MACROD2: variants seen among roughly 807,000 people sequenced by gnomAD.
The protein encoded by MACROD2 is mono-ADP ribosylhydrolase 2, also known as ADP-ribose glycohydrolase MACROD2.
In MACROD2, 36 loss-of-function variants were observed where a neutral mutation model predicts 70.4. The observed-to-expected ratio is 0.51, with a 90% CI of 0.39 to 0.68. The LOEUF is 0.68. Among genes scored for constraint, MACROD2 ranks in the 30% least tolerant of loss-of-function variants. MACROD2 has a pLI of 0.00. For missense variants in MACROD2, 496 were observed against 538.4 expected (o/e 0.92, Z 0.78); for synonymous variants, 172 against 178.8 (o/e 0.96, Z 0.30).
chr20:14,648,636 A>C (rs943131402), intron 4 of MACROD2, among the ~76,000 whole-genome samples: 4 of 151,624 alleles, frequency 2.6e-5, no homozygotes, highest in Non-Finnish European at 5.9e-5. Context: ...ATATATATAT[A>C]TCTATCTATC....
intron 3 of MACROD2, among the ~76,000 whole-genome samples, chr20:14,492,719 A>G (rs1049810239): frequency 2.0e-5 from 3 of 152,108 alleles, no homozygotes; most frequent in Non-Finnish European, 4.4e-5. Context: ...TAAGAACTCT[A>G]TGGAATAAAG....
chr20:13,999,419 G>A (rs1007359384), intron 1 of MACROD2, among the ~76,000 whole-genome samples: 10 of 152,208 alleles, frequency 6.6e-5, no homozygotes, highest in Admixed American at 2.0e-4. Context: ...ATTCATGTAA[G>A]AATAGTTAAT....
chr20:15,620,758 T>C (rs952484456), intron 8 of MACROD2, among the ~76,000 whole-genome samples: 27 of 152,280 alleles, frequency 1.8e-4, no homozygotes, highest in African/African-American at 6.3e-4. Flanking sequence ...AAAAAGCTGT[T>C]AGAGTCACCA....
chr20:14,331,443 A>C (rs903768489), intron 3 of MACROD2, among the ~76,000 whole-genome samples: 2 of 152,136 alleles, frequency 1.3e-5, no homozygotes, highest in Non-Finnish European at 2.9e-5. Context: ...TAGTGGTAAT[A>C]ATGTGGGATT....
chr20:15,146,223 T>C (rs915680987), intron 5 of MACROD2, among the ~76,000 whole-genome samples: 7 of 152,294 alleles, frequency 4.6e-5, no homozygotes, highest in Admixed American at 4.6e-4. Context: ...TTTTTCCTAT[T>C]TTCTCATGAA....
chr20:15,882,282 G>A (rs548287736), intron 9 of MACROD2, among the ~76,000 whole-genome samples: 2 of 152,076 alleles, frequency 1.3e-5, no homozygotes, highest in Non-Finnish European at 2.9e-5. Flanking sequence ...CTTCATAGGG[G>A]AGTGGACAGA....
intron 5 of MACROD2, among the ~76,000 whole-genome samples, chr20:15,001,456 G>C (rs922341541): frequency 5.3e-5 from 8 of 152,126 alleles, no homozygotes. Context: ...TAAAACTTTA[G>C]GGTCTAATGG....
At chr20:14,325,548 C>A (rs1389209915) in intron 3 of MACROD2, 4 of 1,598,952 alleles carry the variant, frequency 2.5e-6, no homozygotes, top group South Asian at 2.3e-5. Flanking sequence ...TGCTGTGAGT[C>A]CTTCAGCATC....
intron 4 of MACROD2, among the ~76,000 whole-genome samples, chr20:14,585,856 T>C (rs954218322): frequency 6.6e-6 from 1 of 152,186 alleles, no homozygotes; most frequent in Non-Finnish European, 1.5e-5. Flanking sequence ...AGGTGAGATA[T>C]TCAAGGTGTG....
At chr20:15,184,426 C>G (rs1243545961) in intron 5 of MACROD2, among the ~76,000 whole-genome samples, 2 of 152,134 alleles carry the variant, frequency 1.3e-5, no homozygotes, top group Non-Finnish European at 2.9e-5. Flanking sequence ...AATAAACAAC[C>G]CCAGCATCTC....
intron 5 of MACROD2, among the ~76,000 whole-genome samples, chr20:14,931,924 C>T (rs1479445316): frequency 1.3e-5 from 2 of 151,624 alleles, no homozygotes; most frequent in East Asian, 1.9e-4. Context: ...ATCACTTCAG[C>T]CCAGGAGTTC....
chr20:14,849,741 A>C (rs1309693038), intron 5 of MACROD2, among the ~76,000 whole-genome samples: 3 of 152,182 alleles, frequency 2.0e-5, no homozygotes, highest in Non-Finnish European at 4.4e-5. Context: ...AGATTGCGCC[A>C]GTGCACTCCA....
intron 8 of MACROD2, among the ~76,000 whole-genome samples, chr20:15,833,938 CTG>C (rs1482235232): frequency 6.6e-6 from 1 of 152,128 alleles, no homozygotes; most frequent in African/African-American, 2.4e-5. Flanking sequence ...GTGCAGTAAA[CTG>C]TATTTATTTC....
At chr20:14,586,658 G>C (rs1271833613) in intron 4 of MACROD2, among the ~76,000 whole-genome samples, 1 of 151,988 alleles carries the variant, frequency 6.6e-6, no homozygotes, top group Non-Finnish European at 1.5e-5. Context: ...GCACAGTTTT[G>C]TTCTTTACAC....
At chr20:15,517,381 G>A (rs2047583049) in intron 8 of MACROD2, among the ~76,000 whole-genome samples, 3 of 152,142 alleles carry the variant, frequency 2.0e-5, no homozygotes, top group Admixed American at 1.3e-4. Context: ...CCCACACAAA[G>A]TAGACCTGCC....
intron 5 of MACROD2, among the ~76,000 whole-genome samples, chr20:14,902,350 G>A (rs1187368906): frequency 1.3e-5 from 2 of 152,142 alleles, no homozygotes; most frequent in Non-Finnish European, 2.9e-5. Flanking sequence ...CAGGCCGCAG[G>A]CAGAGAATAG....
intron 8 of MACROD2, among the ~76,000 whole-genome samples, chr20:15,668,209 A>G (rs911080648): frequency 4.0e-5 from 6 of 151,672 alleles, no homozygotes; most frequent in Non-Finnish European, 8.8e-5. Context: ...GCAGTCAGCC[A>G]AGATTGTGCC....
intron 4 of MACROD2, among the ~76,000 whole-genome samples, chr20:14,589,212 T>G (rs147701070): frequency 6.3e-4 from 96 of 152,288 alleles, no homozygotes; most frequent in African/African-American, 2.3e-3. Context: ...ATTAAGTAAA[T>G]CTTATAATCA....
At chr20:15,968,796 CGTATATAT>C (rs1300978535) in intron 13 of MACROD2, among the ~76,000 whole-genome samples, 711 of 50,212 alleles carry the variant, frequency 0.014, 6 homozygotes, top group South Asian at 0.027. Context: ...ATATATTATG[CGTATATAT>C]ATATATATAT....
Sources: gnomAD v4.1 joint callset for allele counts (sites outside exome capture counted in the v4.1 genomes callset) on GRCh38, gnomAD v4.1.1 for gene constraint, MANE v1.5 for transcripts, NCBI Gene and HGNC (gene_info 2026-07-23, HGNC 2026-07-21) for gene names.